SGK1: variants seen among roughly 807,000 people sequenced by gnomAD.
SGK1 encodes the protein serum/glucocorticoid regulated kinase 1.
Under a neutral mutation model 64.2 loss-of-function variants are expected in SGK1, and 26 were observed. The ratio of observed to expected loss-of-function variants is 0.40; its 90% CI spans 0.30 to 0.56. The LOEUF is 0.56. Among genes scored for constraint, SGK1 ranks in the 20% least tolerant of loss-of-function variants. The probability of loss-of-function intolerance (pLI) is 0.38; values close to 1 mark genes in which losing one functional copy is unlikely to be tolerated. For missense variants in SGK1, 519 were observed against 645.6 expected, an observed-to-expected ratio of 0.80 and a Z score of 2.12; for synonymous variants, 265 against 239.7, an observed-to-expected ratio of 1.11 and a Z score of -0.98.
intron 3 of SGK1, among the ~76,000 whole-genome samples, chr6:134,178,277 T>C (rs1250539768): frequency 6.6e-6 from 1 of 152,186 alleles, no homozygotes; most frequent in Non-Finnish European, 1.5e-5. Flanking sequence ...ACTTATCATT[T>C]AACCGAGAGA....
chr6:134,193,722 A>G (rs1775550459), intron 3 of SGK1, among the ~76,000 whole-genome samples: 1 of 144,240 alleles, frequency 6.9e-6, no homozygotes, highest in South Asian at 2.3e-4. Flanking sequence ...CTCTGGGTAC[A>G]GTGCCTAAGC....
chr6:134,316,606 A>C (rs1041741460), intron 1 of SGK1, among the ~76,000 whole-genome samples: 2 of 152,064 alleles, frequency 1.3e-5, no homozygotes, highest in Non-Finnish European at 2.9e-5. Flanking sequence ...CATGCAAAAA[A>C]ATCCTTTTTT....
intron 3 of SGK1, among the ~76,000 whole-genome samples, chr6:134,177,220 AC>A (rs1221936640): frequency 8.6e-6 from 1 of 116,164 alleles, no homozygotes; most frequent in Non-Finnish European, 1.9e-5. Context: ...CTCAAAACAA[AC>A]AAACAAACAA....
At chr6:134,205,960 C>T (rs1391547872) in intron 3 of SGK1, among the ~76,000 whole-genome samples, 1 of 152,088 alleles carries the variant, frequency 6.6e-6, no homozygotes, top group Non-Finnish European at 1.5e-5. Flanking sequence ...GGCCTCACGG[C>T]TCATGTGTGT....
intron 3 of SGK1, among the ~76,000 whole-genome samples, chr6:134,181,919 G>T (rs1298716330): frequency 6.6e-6 from 1 of 151,902 alleles, no homozygotes; most frequent in Non-Finnish European, 1.5e-5. Flanking sequence ...GTGCAGTGGC[G>T]CAATCTTGGC....
chr6:134,221,580 A>C (rs1037886616), intron 2 of SGK1, among the ~76,000 whole-genome samples: 2 of 151,992 alleles, frequency 1.3e-5, no homozygotes, highest in Non-Finnish European at 2.9e-5. Flanking sequence ...CCTAATAAGT[A>C]ATTTTCTAAT....
chr6:134,202,235 C>T (rs1479104372), intron 3 of SGK1, among the ~76,000 whole-genome samples: 1 of 152,138 alleles, frequency 6.6e-6, no homozygotes, highest in African/African-American at 2.4e-5. Context: ...AGTAGCCACG[C>T]AGAATTCCAT....
intron 1 of SGK1, among the ~76,000 whole-genome samples, chr6:134,270,917 C>T (rs1214265090): frequency 7.0e-6 from 1 of 142,384 alleles, no homozygotes; most frequent in Non-Finnish European, 1.5e-5. Context: ...CCCTGTCCCA[C>T]CCCACCCCAC....
chr6:134,194,262 T>C (rs1775563171), intron 3 of SGK1, among the ~76,000 whole-genome samples: 1 of 152,006 alleles, frequency 6.6e-6, no homozygotes, highest in Non-Finnish European at 1.5e-5. Context: ...GCAACCAAAC[T>C]TCAGCTAATC....
At chr6:134,291,589 A>C (rs1777264809) in intron 1 of SGK1, among the ~76,000 whole-genome samples, 1 of 152,220 alleles carries the variant, frequency 6.6e-6, no homozygotes, top group Non-Finnish European at 1.5e-5. Flanking sequence ...GTTCTGCCTC[A>C]CAAGGAAAGT....
intron 1 of SGK1, among the ~76,000 whole-genome samples, chr6:134,296,833 AG>A (rs796657363): frequency 2.1e-4 from 32 of 150,534 alleles, no homozygotes; most frequent in African/African-American, 7.6e-4. Flanking sequence ...GGCATGGGCA[AG>A]GGGGGGTCCC....
intron 1 of SGK1, among the ~76,000 whole-genome samples, chr6:134,274,130 A>C (rs1161140723): frequency 6.6e-6 from 1 of 151,964 alleles, no homozygotes; most frequent in Non-Finnish European, 1.5e-5. Context: ...CAGCCTCCCA[A>C]GTAGCTGGGA....
intron 1 of SGK1, among the ~76,000 whole-genome samples, chr6:134,279,426 G>T (rs996494537): frequency 1.8e-5 from 2 of 113,346 alleles, no homozygotes; most frequent in Admixed American, 9.4e-5. Context: ...GTGAGATCCT[G>T]TCTCAAAATA....
chr6:134,181,310 CTCTCTCCAAG>C (rs1775327541), intron 3 of SGK1, among the ~76,000 whole-genome samples: 1 of 152,150 alleles, frequency 6.6e-6, no homozygotes, highest in African/African-American at 2.4e-5. Flanking sequence ...CAGTATAAAT[CTCTCTCCAAG>C]TCTCTCCCGT....
intron 3 of SGK1, chr6:134,175,529 G>A: frequency 6.8e-7 from 1 of 1,471,296 alleles, no homozygotes; most frequent in Non-Finnish European, 9.1e-7. Flanking sequence ...CAGCGGGGCC[G>A]GCGGCGGCGC....
At chr6:134,207,160 AG>A (rs1293188959) in intron 3 of SGK1, among the ~76,000 whole-genome samples, 195 bp downstream of exon 3, 2 of 152,124 alleles carry the variant, frequency 1.3e-5, no homozygotes, top group Non-Finnish European at 2.9e-5. Context: ...TGGGAGGCGG[AG>A]CTTGCAGTGA....
chr6:134,270,105 G>C (rs1028672719), intron 1 of SGK1, among the ~76,000 whole-genome samples: 1 of 147,758 alleles, frequency 6.8e-6, no homozygotes, highest in Non-Finnish European at 1.5e-5. Context: ...ATTTTTAGTA[G>C]AGACAGGGTT....
At chr6:134,222,894 G>A (rs1776112650) in intron 2 of SGK1, among the ~76,000 whole-genome samples, 1 of 152,122 alleles carries the variant, frequency 6.6e-6, no homozygotes, top group African/African-American at 2.4e-5. Flanking sequence ...ACAGTGCTAA[G>A]TTCCTATCCA....
In SGK1 at chr6:134,174,512, G is replaced by T; in HGVS notation, c.436C>A (p.His146Asn). 6.2e-7 allele frequency: 1 copy of T among 1,610,258 alleles called. No homozygotes were observed. Residue 146 changes from histidine to asparagine, a missense_variant and splice_region_variant, in exon 4 of 14, where the codon CAC becomes AAC. Physicochemically the swap from His to Asn is moderately conservative, Grantham distance 68. Around this residue, in one of 2 missense-constraint regions of SGK1, gnomAD observed 241 missense variants for 236.9 expected, o/e 1.02. Transcript: ENST00000367858. ...TTCCTCAAATCCGGTCAAACTTACT[G>T]TTTGCATGCATAGGAGTTATTGGCA... ...KIANNSYACK[H>N]PEVQSILKIS...
Sources: allele counts gnomAD v4.1 joint callset (sites outside exome capture counted in the v4.1 genomes callset), GRCh38; gene constraint gnomAD v4.1.1; regional missense constraint gnomAD v4.1.1; transcripts MANE v1.5; gene names NCBI Gene and HGNC (gene_info 2026-07-23, HGNC 2026-07-21).